The following NALF1 variants were observed in gnomAD, a reference collection of about 807,000 sequenced individuals.
NALF1 encodes NALCN channel auxiliary factor 1.
A neutral mutation model predicts 48.4 loss-of-function variants in NALF1; 3 were observed. That is an observed-to-expected ratio of 0.06 (90% CI 0.03 to 0.16). The LOEUF is 0.16. NALF1 is among the 10% of genes least tolerant of loss of function. NALF1 has a pLI of 1.00. For missense variants in NALF1, 526 were observed against 571.5 expected (o/e 0.92, Z 0.81); for synonymous variants, 262 against 245.7 (o/e 1.07, Z -0.62).
chr13:107,500,527 A>G (rs989011499), intron 1 of NALF1, among the ~76,000 whole-genome samples: 2 of 151,016 alleles, frequency 1.3e-5, no homozygotes, highest in Admixed American at 6.6e-5. Context: ...TAGTTCAACC[A>G]TTGTGGAAGT....
At chr13:107,790,012 G>C (rs1455786993) in intron 1 of NALF1, among the ~76,000 whole-genome samples, 1 of 152,176 alleles carries the variant, frequency 6.6e-6, no homozygotes, top group East Asian at 1.9e-4. Flanking sequence ...ATGTTCAATA[G>C]TGCAGGTTTA....
At chr13:107,256,292 CT>C (rs1277594215) in intron 1 of NALF1, among the ~76,000 whole-genome samples, 1 of 152,230 alleles carries the variant, frequency 6.6e-6, no homozygotes, top group Non-Finnish European at 1.5e-5. Context: ...CAGCACGCTG[CT>C]GTGCCTCTCT....
chr13:107,835,632 CACACCGGTG>C (rs1180249362), intron 1 of NALF1, among the ~76,000 whole-genome samples: 6 of 152,134 alleles, frequency 3.9e-5, no homozygotes, highest in Non-Finnish European at 7.4e-5. Flanking sequence ...GACCCACACA[CACACCGGTG>C]ACTCAGGGCT....
intron 1 of NALF1, among the ~76,000 whole-genome samples, chr13:107,803,574 T>A (rs1878685397): frequency 6.6e-6 from 1 of 152,132 alleles, no homozygotes; most frequent in South Asian, 2.1e-4. Flanking sequence ...TGTACAGAAT[T>A]GTATCATGTT....
chr13:107,624,912 A>G (rs983095409), intron 1 of NALF1, among the ~76,000 whole-genome samples: 3 of 152,216 alleles, frequency 2.0e-5, no homozygotes, highest in African/African-American at 7.2e-5. Context: ...ATTTTTCCAG[A>G]GGAAAAAGTA....
intron 1 of NALF1, among the ~76,000 whole-genome samples, chr13:107,722,097 A>C (rs548950958): frequency 1.3e-5 from 2 of 152,222 alleles, no homozygotes; most frequent in Admixed American, 6.5e-5. Flanking sequence ...TAAATCCAGA[A>C]AGGAGGAGGG....
At chr13:107,549,506 T>C (rs753239230) in intron 1 of NALF1, among the ~76,000 whole-genome samples, 1 of 152,212 alleles carries the variant, frequency 6.6e-6, no homozygotes, top group Non-Finnish European at 1.5e-5. Context: ...TGAAGACATG[T>C]ATCTTCCAGA....
chr13:107,727,536 GC>G (rs533030769), intron 1 of NALF1, among the ~76,000 whole-genome samples: 71 of 152,308 alleles, frequency 4.7e-4, no homozygotes, highest in African/African-American at 1.6e-3. Flanking sequence ...TACAGTCCTT[GC>G]TTTTGGCACC....
At chr13:107,637,500 A>G (rs1880011161) in intron 1 of NALF1, among the ~76,000 whole-genome samples, 1 of 152,146 alleles carries the variant, frequency 6.6e-6, no homozygotes, top group African/African-American at 2.4e-5. Flanking sequence ...CCCTGTGTAA[A>G]CAGGCTTTAA....
intron 1 of NALF1, among the ~76,000 whole-genome samples, chr13:107,695,898 C>CTTTT (rs10642452): frequency 1.4e-5 from 2 of 146,288 alleles, no homozygotes; most frequent in Non-Finnish European, 3.0e-5. Context: ...CATCTATATT[C>CTTTT]TTTTTTTTTT....
intron 1 of NALF1, among the ~76,000 whole-genome samples, chr13:107,694,179 A>G (rs1881643428): frequency 6.6e-6 from 1 of 152,204 alleles, no homozygotes; most frequent in African/African-American, 2.4e-5. Flanking sequence ...GCTAGAAAAG[A>G]CTAGGAGACG....
intron 1 of NALF1, among the ~76,000 whole-genome samples, chr13:107,433,778 C>G (rs949537172): frequency 6.6e-6 from 1 of 152,060 alleles, no homozygotes; most frequent in South Asian, 2.1e-4. Context: ...CCCTAGAGAT[C>G]ATTTTTCACT....
intron 1 of NALF1, among the ~76,000 whole-genome samples, chr13:107,843,576 T>C (rs1368913158): frequency 2.0e-5 from 3 of 152,082 alleles, no homozygotes; most frequent in African/African-American, 4.8e-5. Context: ...TTTCGCAAGA[T>C]CCCCAAGTGC....
chr13:107,440,225 G>A (rs145705831), intron 1 of NALF1, among the ~76,000 whole-genome samples: 4 of 152,078 alleles, frequency 2.6e-5, no homozygotes. Context: ...ACACTTTGTC[G>A]ACAAGAGTGG....
chr13:107,419,196 C>T (rs935439235), intron 1 of NALF1, among the ~76,000 whole-genome samples: 1 of 152,098 alleles, frequency 6.6e-6, no homozygotes, highest in African/African-American at 2.4e-5. Flanking sequence ...TGGAGATTTG[C>T]ATGATTTATT....
chr13:107,635,076 G>A (rs1015326529), intron 1 of NALF1, among the ~76,000 whole-genome samples: 1 of 152,056 alleles, frequency 6.6e-6, no homozygotes. Context: ...GGCCAAATAC[G>A]AATATGTGAG....
At chr13:107,589,346 G>T (rs1056800621) in intron 1 of NALF1, among the ~76,000 whole-genome samples, 1 of 151,870 alleles carries the variant, frequency 6.6e-6, no homozygotes. Context: ...TCTAAATTTT[G>T]GTAGCTTTTT....
At chr13:107,828,631 AC>A (rs2138624633) in intron 1 of NALF1, among the ~76,000 whole-genome samples, 1 of 151,654 alleles carries the variant, frequency 6.6e-6, no homozygotes, top group East Asian at 1.9e-4. Context: ...ACACACACAC[AC>A]ACACACACAC....
chr13:107,594,206 TC>T (rs1294575092), intron 1 of NALF1, among the ~76,000 whole-genome samples: 4 of 152,028 alleles, frequency 2.6e-5, no homozygotes, highest in Non-Finnish European at 4.4e-5. Flanking sequence ...TGCGTTGTCA[TC>T]CGTAGCTTCC....
Sources: allele counts gnomAD v4.1 joint callset (sites outside exome capture counted in the v4.1 genomes callset), GRCh38; gene constraint gnomAD v4.1.1; transcripts MANE v1.5; gene names NCBI Gene and HGNC (gene_info 2026-07-23, HGNC 2026-07-21).